The following PRKCB variants were observed in gnomAD, a reference collection of about 807,000 sequenced individuals.
The protein encoded by PRKCB is protein kinase C beta type.
A neutral mutation model predicts 81.5 loss-of-function variants in PRKCB; 13 were observed. The ratio of observed to expected loss-of-function variants is 0.16; its 90% confidence interval spans 0.10 to 0.25. The LOEUF is 0.25. Among genes scored for constraint, PRKCB ranks in the 10% least tolerant of loss-of-function variants. The probability of loss-of-function intolerance (pLI) is 1.00; values close to 1 mark genes in which losing one functional copy is unlikely to be tolerated. For synonymous variants in PRKCB, 335 were observed against 321.4 expected, an observed-to-expected ratio of 1.04 and a Z score of -0.45; for missense variants, 509 against 875.7, an observed-to-expected ratio of 0.58 and a Z score of 5.29.
intron 2 of PRKCB, among the ~76,000 whole-genome samples, chr16:23,843,991 A>G (rs1462407397): frequency 6.6e-6 from 1 of 152,156 alleles, no homozygotes. Flanking sequence ...ACACACACAT[A>G]TATGTAAGTA....
At chr16:24,144,826 C>G (rs1427235729) in intron 9 of PRKCB, among the ~76,000 whole-genome samples, 5 of 152,186 alleles carry the variant, frequency 3.3e-5, no homozygotes, top group Non-Finnish European at 7.3e-5. Context: ...TCCTTTCATT[C>G]ATTGATTCAA....
chr16:23,857,701 TGAGA>T (rs996795017), intron 2 of PRKCB, among the ~76,000 whole-genome samples: 30 of 148,330 alleles, frequency 2.0e-4, no homozygotes, highest in African/African-American at 6.5e-4. Context: ...CTTGAGGATG[TGAGA>T]GAGAGAGAGA....
chr16:24,066,237 A>T (rs1966033107), intron 5 of PRKCB, among the ~76,000 whole-genome samples: 1 of 151,604 alleles, frequency 6.6e-6, no homozygotes, highest in Admixed American at 6.6e-5. Flanking sequence ...CTTGACTTTG[A>T]TTATATGTAT....
intron 5 of PRKCB, among the ~76,000 whole-genome samples, chr16:24,079,982 A>G (rs1436608033): frequency 1.3e-5 from 2 of 152,216 alleles, no homozygotes; most frequent in African/African-American, 2.4e-5. Context: ...TAAGATAATT[A>G]TATAGTTTTT....
chr16:24,075,788 G>A (rs1460079312), intron 5 of PRKCB, among the ~76,000 whole-genome samples: 1 of 152,162 alleles, frequency 6.6e-6, no homozygotes, highest in African/African-American at 2.4e-5. Flanking sequence ...TCCTACCCTG[G>A]TGAGGCTGGC....
intron 2 of PRKCB, among the ~76,000 whole-genome samples, chr16:23,969,831 C>T (rs1057434211): frequency 6.6e-6 from 1 of 152,102 alleles, no homozygotes; most frequent in African/African-American, 2.4e-5. Context: ...TCTCATCCTC[C>T]CACAGATATG....
chr16:24,121,426 G>A (rs1966797144), intron 8 of PRKCB, among the ~76,000 whole-genome samples: 1 of 152,148 alleles, frequency 6.6e-6, no homozygotes, highest in African/African-American at 2.4e-5. Flanking sequence ...GCCCAGACTG[G>A]AGTGCAATAC....
chr16:23,873,425 A>G lies in PRKCB; in HGVS notation c.205+36019A>G, dbSNP rs539881487. Among the ~76,000 whole-genome samples the G allele has an allele frequency of 8.8e-4, 134 of 152,088 alleles. 2 individuals carry two copies. The highest frequency in any genetic ancestry group is 3.1e-3 in the African/African-American group (130 of 41,518). ...AAGAAAAATGGAAGACTTATCGGGAATGCAGGCAGCTGTGCGATTTCAGCT... is the reference window on the plus strand; with the variant it reads ...AAGAAAAATGGAAGACTTATCGGGAGTGCAGGCAGCTGTGCGATTTCAGCT... On this transcript the variant is annotated intron_variant, in intron 2 of 16. Coordinates refer to ENST00000643927, the MANE Select transcript of PRKCB (RefSeq NM_002738.7).
chr16:23,908,993 A>G (rs1005019584), intron 2 of PRKCB, among the ~76,000 whole-genome samples: 2 of 152,180 alleles, frequency 1.3e-5, no homozygotes, highest in Non-Finnish European at 2.9e-5. Flanking sequence ...CTGCACACCC[A>G]CTGGGACACC....
intron 8 of PRKCB, among the ~76,000 whole-genome samples, chr16:24,121,863 A>G (rs1966802126): frequency 6.6e-6 from 1 of 152,230 alleles, no homozygotes; most frequent in Non-Finnish European, 1.5e-5. Context: ...TCATGTCATC[A>G]TCTCCATGTC....
At chr16:23,865,464 G>T (rs1487729124) in intron 2 of PRKCB, among the ~76,000 whole-genome samples, 1 of 42,022 alleles carries the variant, frequency 2.4e-5, no homozygotes, top group Non-Finnish European at 4.0e-5. Context: ...AACAATGCCC[G>T]GCATATATAT....
intron 2 of PRKCB, chr16:23,893,731 G>C (rs1028870570): frequency 6.6e-6 from 1 of 152,034 alleles, no homozygotes; most frequent in Non-Finnish European, 1.5e-5. Flanking sequence ...ACATTTTACT[G>C]TACCAAATCT....
At chr16:23,986,062 T>C (rs982977334) in intron 2 of PRKCB, among the ~76,000 whole-genome samples, 2 of 152,038 alleles carry the variant, frequency 1.3e-5, no homozygotes, top group South Asian at 4.1e-4. Flanking sequence ...TCCAAGAAAT[T>C]AGACATGGAT....
chr16:24,093,053 A>C, intron 6 of PRKCB, 106 bp downstream of exon 6: 14 of 1,165,344 alleles, frequency 1.2e-5, no homozygotes, highest in East Asian at 1.1e-4. Flanking sequence ...TTCCTTCCCT[A>C]CCTCCCTCCT....
chr16:24,155,252 GCATGGGCCTCATTGGAGGGAGGATGTTGC>G, intron 10 of PRKCB, among the ~76,000 whole-genome samples: 1 of 152,184 alleles, frequency 6.6e-6, no homozygotes, highest in Non-Finnish European at 1.5e-5. Context: ...TGAGGCCTTT[GCATGGGCCTCATTGGAGGGAGGATGTTGC>G]CTGAGAACAC....
At chr16:24,095,348 C>T (rs748379231) in intron 7 of PRKCB, among the ~76,000 whole-genome samples, 1 of 152,040 alleles carries the variant, frequency 6.6e-6, no homozygotes, top group Non-Finnish European at 1.5e-5. Flanking sequence ...GGAATGGGTG[C>T]TGCTGACTGG....
chr16:24,172,502 G>A (rs1394639124), intron 11 of PRKCB, 141 bp downstream of exon 11: 1 of 672,326 alleles, frequency 1.5e-6, no homozygotes, highest in Admixed American at 2.7e-5. Context: ...AGGGAAGAAA[G>A]GTGTTCTGCT....
chr16:23,989,571 A>G (rs773672616), intron 3 of PRKCB, among the ~76,000 whole-genome samples: 1 of 152,214 alleles, frequency 6.6e-6, no homozygotes, highest in Non-Finnish European at 1.5e-5. Flanking sequence ...TGTATCTAGT[A>G]GTGGTTTTGC....
At chr16:24,033,852 C>T (rs181386691) in intron 4 of PRKCB, among the ~76,000 whole-genome samples, 5 of 151,992 alleles carry the variant, frequency 3.3e-5, no homozygotes, top group Admixed American at 3.3e-4. Context: ...GATGGAAAGA[C>T]CAGAGACAGA....
Sources: gnomAD v4.1 joint callset for allele counts (sites outside exome capture counted in the v4.1 genomes callset) on GRCh38, gnomAD v4.1.1 for gene constraint, MANE v1.5 for transcripts, NCBI Gene and HGNC (gene_info 2026-07-23, HGNC 2026-07-21) for gene names.